The following TNFRSF19 variants were observed in gnomAD, a reference collection of about 807,000 sequenced individuals.
TNFRSF19 encodes tumor necrosis factor receptor superfamily member 19.
Under a neutral mutation model 46.4 loss-of-function variants are expected in TNFRSF19, and 27 were observed. That is an observed-to-expected ratio of 0.58 (90% confidence interval 0.43 to 0.80). The LOEUF (loss-of-function observed/expected upper bound fraction) is 0.80, where lower values mean the gene tolerates loss of function less well. Ranked by LOEUF, TNFRSF19 falls within the 30% of genes least tolerant of loss-of-function variation. The pLI is 0.00. For synonymous variants in TNFRSF19, 204 were observed against 205.0 expected (o/e 1.00, Z 0.04); for missense variants, 511 against 530.8 (o/e 0.96, Z 0.37).
At chr13:23,665,031 T>C (rs1951598817) in intron 7 of TNFRSF19, among the ~76,000 whole-genome samples, 1 of 152,254 alleles carries the variant, frequency 6.6e-6, no homozygotes, top group Admixed American at 6.5e-5. Context: ...TTTCTGCTAA[T>C]TATTACTATC....
chr13:23,587,177 A>G (rs1268192524), intron 1 of TNFRSF19, among the ~76,000 whole-genome samples: 1 of 152,196 alleles, frequency 6.6e-6, no homozygotes, highest in African/African-American at 2.4e-5. Context: ...AATGTCCAGA[A>G]TTTAAAAATA....
In TNFRSF19 at chr13:23,616,029, G is replaced by T; in HGVS notation, c.343G>T (p.Gly115Trp). 4 of 1,599,230 alleles carry T rather than the reference G, an allele frequency of 2.5e-6. No homozygotes were observed. The highest frequency in any genetic ancestry group is 1.3e-5 in the African/African-American group (1 of 74,656). Residue 115 changes from glycine (G) to tryptophan (W), a missense_variant, in exon 4 of 10, where the codon GGG (glycine) becomes TGG (tryptophan). Transcript: ENST00000248484. ...NCSATSDAIC[G>W]DCLPGFYRKT... is the part of the protein sequence containing the mutation. ...TTCAGCCACCAGTGATGCCATCTGC[G>T]GGGACTGCTTGCCAGGGTGAGTTGG...
chr13:23,668,080 A>G lies in TNFRSF19; in HGVS notation c.837A>G (p.Ala279=). Residue 279 remains alanine (A), a splice_region_variant and synonymous_variant, in exon 8 of 10, where the codon GCA becomes GCG. Coordinates refer to ENST00000248484, the MANE Select transcript of TNFRSF19 (RefSeq NM_148957.4). Reference sequence around the variant, plus strand: ...TGCATTCTGCAGCCAGTCTTCAGGCAAGGTAACTAGGTGCTTTCAATCAAT... The same window carrying G: ...TGCATTCTGCAGCCAGTCTTCAGGCGAGGTAACTAGGTGCTTTCAATCAAT... ...CGVHSAASLQ[A]RNAGPAGEMV... The G allele has an allele frequency of 6.2e-7, 1 of 1,602,516 alleles. No homozygotes were observed. Among genetic ancestry groups the G allele is most frequent in the Non-Finnish European group, 8.5e-7 (1 of 1,174,560 alleles).
intron 3 of TNFRSF19, among the ~76,000 whole-genome samples, chr13:23,599,516 A>G (rs1324305903): frequency 6.6e-6 from 1 of 152,188 alleles, no homozygotes; most frequent in Non-Finnish European, 1.5e-5. Flanking sequence ...AGGCAGGACA[A>G]CTGGGAGTGG....
At chr13:23,594,365 C>A in intron 3 of TNFRSF19, 1 of 431,070 alleles carries the variant, frequency 2.3e-6, no homozygotes, top group South Asian at 1.7e-5. Context: ...TTGAAATTCT[C>A]ACTGCCAGCA....
At chr13:23,665,772 C>T (rs575446495) in intron 7 of TNFRSF19, among the ~76,000 whole-genome samples, 3 of 152,284 alleles carry the variant, frequency 2.0e-5, no homozygotes, top group South Asian at 2.1e-4. Flanking sequence ...ACAGGAAATT[C>T]GTGTTAATTC....
At chr13:23,663,990 A>G (rs1031746556) in intron 7 of TNFRSF19, among the ~76,000 whole-genome samples, 1 of 151,886 alleles carries the variant, frequency 6.6e-6, no homozygotes, top group Non-Finnish European at 1.5e-5. Context: ...TCATGTCTCA[A>G]TTCCTTCATT....
At chr13:23,639,201 T>C (rs975679499) in intron 5 of TNFRSF19, among the ~76,000 whole-genome samples, 3 of 152,138 alleles carry the variant, frequency 2.0e-5, no homozygotes, top group Admixed American at 6.5e-5. Flanking sequence ...GAGACCAGCC[T>C]TGCCAACATG....
chr13:23,590,025 T>C, intron 1 of TNFRSF19, 125 bp from the exon 2 acceptor site: 1 of 426,108 alleles, frequency 2.3e-6, no homozygotes, highest in Non-Finnish European at 4.2e-6. Context: ...TAAAGGTGGT[T>C]TCTTTTAAAA....
At chr13:23,663,280 G>A (rs1884488595) in intron 7 of TNFRSF19, among the ~76,000 whole-genome samples, 1 of 152,074 alleles carries the variant, frequency 6.6e-6, no homozygotes, top group Non-Finnish European at 1.5e-5. Flanking sequence ...TAATCATGTG[G>A]TTTTGTCTTT....
At chr13:23,574,421 A>C (rs1877828347) in intron 1 of TNFRSF19, among the ~76,000 whole-genome samples, 1 of 151,734 alleles carries the variant, frequency 6.6e-6, no homozygotes, top group African/African-American at 2.4e-5. Flanking sequence ...GACTGTCAGC[A>C]AACATTATAG....
At chr13:23,635,313 G>A (rs1040265389) in intron 5 of TNFRSF19, among the ~76,000 whole-genome samples, 1 of 152,126 alleles carries the variant, frequency 6.6e-6, no homozygotes, top group African/African-American at 2.4e-5. Flanking sequence ...AGTTAAAAAT[G>A]GAAGCTTGAA....
intron 5 of TNFRSF19, among the ~76,000 whole-genome samples, chr13:23,637,090 T>G (rs563058979): frequency 8.3e-4 from 127 of 152,182 alleles, no homozygotes; most frequent in Admixed American, 1.7e-3. Flanking sequence ...TTGAAAGAGG[T>G]TAACTTAAGC....
At chr13:23,639,432 C>T (rs1212317016) in intron 5 of TNFRSF19, among the ~76,000 whole-genome samples, 1 of 152,178 alleles carries the variant, frequency 6.6e-6, no homozygotes, top group Non-Finnish European at 1.5e-5. Flanking sequence ...ATATAGCCCC[C>T]GTAGCAGGTG....
intron 9 of TNFRSF19, among the ~76,000 whole-genome samples, chr13:23,672,294 T>C (rs1216297048): frequency 6.6e-6 from 1 of 152,240 alleles, no homozygotes; most frequent in African/African-American, 2.4e-5. Flanking sequence ...CTGAGATATT[T>C]GGAACATTTT....
At chr13:23,661,519 T>C (rs1884366625) in intron 7 of TNFRSF19, among the ~76,000 whole-genome samples, 1 of 152,220 alleles carries the variant, frequency 6.6e-6, no homozygotes, top group African/African-American at 2.4e-5. Flanking sequence ...GCATGTGTCT[T>C]TATGGTAGAG....
At chr13:23,662,331 G>C (rs1240402732) in intron 7 of TNFRSF19, among the ~76,000 whole-genome samples, 1 of 152,176 alleles carries the variant, frequency 6.6e-6, no homozygotes, top group African/African-American at 2.4e-5. Flanking sequence ...AGATCAGGTA[G>C]TTGTACATGT....
chr13:23,572,506 A>G (rs934967990), intron 1 of TNFRSF19, among the ~76,000 whole-genome samples: 1 of 152,190 alleles, frequency 6.6e-6, no homozygotes, highest in Non-Finnish European at 1.5e-5. Context: ...TAAAATTTTT[A>G]AAATGACTGT....
chr13:23,574,990 C>T (rs1346080131), intron 1 of TNFRSF19, among the ~76,000 whole-genome samples: 1 of 152,204 alleles, frequency 6.6e-6, no homozygotes, highest in Non-Finnish European at 1.5e-5. Flanking sequence ...TAAAACCATT[C>T]CTTCCAACAT....
Sources: allele counts gnomAD v4.1 joint callset (sites outside exome capture counted in the v4.1 genomes callset), GRCh38; gene constraint gnomAD v4.1.1; transcripts MANE v1.5; gene names NCBI Gene and HGNC (gene_info 2026-07-23, HGNC 2026-07-21).